HERC5: variants seen among roughly 807,000 people sequenced by gnomAD.
The protein encoded by HERC5 is HECT and RLD domain containing E3 ubiquitin protein ligase 5.
In HERC5, 99 loss-of-function variants were observed where a neutral mutation model predicts 119.6. The observed-to-expected ratio is 0.83, with a 90% CI of 0.70 to 0.98. The LOEUF is 0.98. Ranked by LOEUF, HERC5 falls within the 50% of genes least tolerant of loss-of-function variation. The pLI is 0.00. For synonymous variants in HERC5, 478 were observed against 445.9 expected (o/e 1.07, Z -0.91); for missense variants, 1,267 against 1,241.3 (o/e 1.02, Z -0.31).
intron 7 of HERC5, 35 bp from the exon 8 acceptor site, chr4:88,468,311 T>C: frequency 1.4e-6 from 2 of 1,479,806 alleles, no homozygotes; most frequent in Non-Finnish European, 1.9e-6. Flanking sequence ...GCCAAATGAC[T>C]TTCTAAAACT....
intron 19 of HERC5, 127 bp downstream of exon 19, chr4:88,500,119 T>C (rs1741906388): frequency 1.6e-6 from 1 of 630,430 alleles, no homozygotes; most frequent in South Asian, 2.0e-5. Flanking sequence ...GGTATTGTTC[T>C]TCATCATGAT....
intron 11 of HERC5, 57 bp downstream of exon 11, chr4:88,472,559 A>G: frequency 9.9e-7 from 1 of 1,014,094 alleles, no homozygotes; most frequent in Non-Finnish European, 1.5e-6. Context: ...TCTTAAAAGA[A>G]CTCAAAATTT....
chr4:88,458,363 T>TA (rs1180011024), intron 1 of HERC5, among the ~76,000 whole-genome samples: 1 of 152,096 alleles, frequency 6.6e-6, no homozygotes, highest in African/African-American at 2.4e-5. Context: ...CCCAGTGTTT[T>TA]AAAAAATGTA....
intron 8 of HERC5, 26 bp downstream of exon 8, chr4:88,468,448 A>C (rs1191655270): frequency 1.3e-6 from 2 of 1,485,754 alleles, no homozygotes; most frequent in African/African-American, 2.8e-5. Flanking sequence ...CAGGTGTTCT[A>C]TAACCTGGTA....
At chr4:88,463,375 C>T (rs1313919469) in intron 4 of HERC5, among the ~76,000 whole-genome samples, 157 bp from the exon 5 acceptor site, 2 of 152,080 alleles carry the variant, frequency 1.3e-5, no homozygotes, top group East Asian at 1.9e-4. Flanking sequence ...CACCCTGAGG[C>T]GTAGAACTTG....
chr4:88,502,251 C>T (rs959685614), intron 20 of HERC5, among the ~76,000 whole-genome samples: 1 of 152,004 alleles, frequency 6.6e-6, no homozygotes, highest in African/African-American at 2.4e-5. Context: ...TTGTGGTTGC[C>T]CCTTGCTCCA....
At position 88,464,269 on chromosome 4, in the gene HERC5, TAA is replaced by T. The variant is rs764886834; in HGVS notation, c.911+290_911+291del. On this transcript the variant is annotated intron_variant, in intron 6 of 22. Coordinates refer to ENST00000264350, the MANE Select transcript of HERC5 (RefSeq NM_016323.4). The stretch of plus-strand genomic sequence containing the variant: ...TAACTATTCAGGTGCACTTTTGTCT[TAA>T]AAAAACAAGTCATTAATTGTTTATT... Among the ~76,000 whole-genome samples, 3 of 151,676 alleles carry T rather than the reference TAA, an allele frequency of 2.0e-5. No homozygotes were observed. In the East Asian group the frequency reaches 5.8e-4, roughly 30 times the overall value.
At chr4:88,503,386 T>TA (rs1321486229) in intron 20 of HERC5, among the ~76,000 whole-genome samples, 25 of 152,322 alleles carry the variant, frequency 1.6e-4, no homozygotes, top group Admixed American at 1.5e-3. Flanking sequence ...CTTGTTGCAA[T>TA]ATTCTAAATA....
chr4:88,477,395 A>T (rs1741114213), intron 12 of HERC5, among the ~76,000 whole-genome samples: 1 of 52,406 alleles, frequency 1.9e-5, no homozygotes, highest in Admixed American at 2.2e-4. Context: ...GGGAACTGAA[A>T]GGAAAGGGGA....
intron 4 of HERC5, 121 bp from the exon 5 acceptor site, chr4:88,463,411 T>G: frequency 1.5e-6 from 1 of 660,376 alleles, no homozygotes; most frequent in East Asian, 2.6e-5. Flanking sequence ...ACATAGAGCC[T>G]TTCTTGTCAG....
intron 6 of HERC5, among the ~76,000 whole-genome samples, chr4:88,466,544 T>C (rs1740673731): frequency 6.6e-6 from 1 of 152,114 alleles, no homozygotes; most frequent in African/African-American, 2.4e-5. Context: ...CCTCTATCAC[T>C]TGGGGAATTC....
At chr4:88,500,431 G>A (rs925594001) in intron 19 of HERC5, among the ~76,000 whole-genome samples, 1 of 152,234 alleles carries the variant, frequency 6.6e-6, no homozygotes, top group African/African-American at 2.4e-5. Flanking sequence ...GAGAGGAAGC[G>A]ATAGCAAGCC....
intron 6 of HERC5, among the ~76,000 whole-genome samples, chr4:88,464,431 A>G (rs1415642754): frequency 6.6e-6 from 1 of 152,196 alleles, no homozygotes; most frequent in Non-Finnish European, 1.5e-5. Flanking sequence ...ACAGTAAAGT[A>G]TAAGACATAG....
At chr4:88,458,831 T>C (rs999120122) in intron 1 of HERC5, among the ~76,000 whole-genome samples, 2 of 152,224 alleles carry the variant, frequency 1.3e-5, no homozygotes, top group East Asian at 3.8e-4. Flanking sequence ...TTCAACAGCA[T>C]CCTCTTTAAA....
In HERC5 at chr4:88,457,482, G is replaced by A; in HGVS notation, c.213G>A (p.Ala71=). 2 of 1,320,838 alleles carry A rather than the reference G, an allele frequency of 1.5e-6. No homozygotes were observed. The highest frequency in any genetic ancestry group is 2.2e-5 in the South Asian group (1 of 45,868). 81.8% of individuals were successfully genotyped at this position (1,320,838 alleles called of 1,614,324 possible). A position where few individuals can be genotyped will look rare whatever the true frequency, so the allele number is the denominator to read the frequency against. ...GRLAVLERGG[A]GVQVHQLLAG... ...TCGCGGTCTTGGAACGCGGCGGGGC[G>A]GGCGTCCAGGTTCACCAGCTGCTCG... is the stretch of plus-strand genomic sequence containing the variant. Residue 71 remains alanine (A), a synonymous_variant, in exon 1 of 23, where the codon GCG becomes GCA. Coordinates refer to ENST00000264350, the MANE Select transcript of HERC5 (RefSeq NM_016323.4).
chr4:88,499,830 C>T lies in HERC5; in HGVS notation c.2445-96C>T. 4 of 834,868 alleles carry T rather than the reference C, an allele frequency of 4.8e-6. No individual in the cohort carries two copies. In the South Asian group the frequency reaches 6.0e-5, roughly 13 times the overall value. 51.7% of individuals were successfully genotyped at this position (834,868 alleles called of 1,614,324 possible). A position where few individuals can be genotyped will look rare whatever the true frequency, so the allele number is the denominator to read the frequency against. On this transcript the variant is annotated intron_variant, in intron 18 of 22. Transcript: ENST00000264350. Reference sequence around the variant, plus strand: ...GCTGTGAACTATACCTGACCTCATACCTTCAGAATAGCTATACACTTGACA... The same window carrying T: ...GCTGTGAACTATACCTGACCTCATATCTTCAGAATAGCTATACACTTGACA...
intron 13 of HERC5, among the ~76,000 whole-genome samples, chr4:88,482,751 T>G (rs11947119): frequency 0.024 from 3,586 of 152,186 alleles, 147 homozygotes; most frequent in African/African-American, 0.082. Context: ...TAGGGCTGTA[T>G]TCCCAAGTAC....
chr4:88,463,321 TG>T (rs1282487466), intron 4 of HERC5, among the ~76,000 whole-genome samples: 1 of 152,226 alleles, frequency 6.6e-6, no homozygotes, highest in Non-Finnish European at 1.5e-5. Flanking sequence ...CTTTCACAGG[TG>T]GGTGCCCCTA....
chr4:88,487,031 C>A, intron 14 of HERC5, 38 bp from the exon 15 acceptor site: 1 of 1,428,132 alleles, frequency 7.0e-7, no homozygotes, highest in South Asian at 1.2e-5. Context: ...TTTCTCTGTC[C>A]TTTAACTTAT....
Sources: allele counts gnomAD v4.1 joint callset (sites outside exome capture counted in the v4.1 genomes callset), GRCh38; gene constraint gnomAD v4.1.1; transcripts MANE v1.5; gene names NCBI Gene and HGNC (gene_info 2026-07-23, HGNC 2026-07-21).